The following IL3RA variants were observed in gnomAD, a reference collection of about 807,000 sequenced individuals.
IL3RA encodes interleukin-3 receptor subunit alpha.
Under a neutral mutation model 52.3 loss-of-function variants are expected in IL3RA, and 73 were observed. The ratio of observed to expected loss-of-function variants is 1.40; its 90% CI spans 1.16 to 1.70. The LOEUF (loss-of-function observed/expected upper bound fraction) is 1.70. Ranked by LOEUF, IL3RA falls within the 40% of genes most tolerant of loss-of-function variation. The pLI, the probability that IL3RA is intolerant of heterozygous loss-of-function variation, is 0.00. For synonymous variants in IL3RA, 260 were observed against 194.0 expected (o/e 1.34, Z -2.83); for missense variants, 664 against 504.4 (o/e 1.32, Z -3.03).
chrX:1,352,072 G>T, intron 4 of IL3RA, 28 bp from the exon 5 acceptor site: 2 of 1,611,842 alleles, frequency 1.2e-6, no homozygotes, highest in Non-Finnish European at 1.7e-6. Context: ...GTCCCGATTC[G>T]AGTTCTCTTT....
chrX:1,341,856 G>C, intron 2 of IL3RA, 27 bp downstream of exon 2: 1 of 1,611,440 alleles, frequency 6.2e-7, no homozygotes, highest in Non-Finnish European at 8.5e-7. Context: ...AAATGCACGT[G>C]CCACCTGGGG....
chrX:1,380,876 C>G (rs773543121), intron 10 of IL3RA, 147 bp from the exon 11 acceptor site: 1 of 719,558 alleles, frequency 1.4e-6, no homozygotes, highest in Non-Finnish European at 2.5e-6. Context: ...GTCAGGGCCT[C>G]AGGGGCCGGG....
Position 1,382,670 on chromosome X carries a change from A to ATTT in IL3RA, c.*216_*218dup, listed in dbSNP as rs35294981. On this transcript the variant is annotated 3_prime_UTR_variant, in exon 12 of 12. Coordinates refer to ENST00000331035, the MANE Select transcript of IL3RA (RefSeq NM_002183.4). ...TGTGTGTTTATTTCATGATAAAGTG[A>ATTT]TTTTTTTTTTTTTAACCCACTCACT... is the stretch of plus-strand genomic sequence containing the variant. The ATTT allele has an allele frequency of 4.1e-4, 217 of 531,666 alleles. No individual in the cohort carries two copies. The highest frequency in any genetic ancestry group is 2.8e-3 in the African/African-American group (143 of 50,518). 32.9% of individuals were successfully genotyped at this position (531,666 alleles called of 1,614,324 possible). A position where few individuals can be genotyped will look rare whatever the true frequency, so the allele number is the denominator to read the frequency against.
At chrX:1,348,335 G>A (rs1179334240) in intron 3 of IL3RA, 96 bp from the exon 4 acceptor site, 51 of 952,680 alleles carry the variant, frequency 5.4e-5, no homozygotes, top group East Asian at 2.7e-4. Flanking sequence ...CGTGGGCGAC[G>A]AGAGCGAAAC....
At chrX:1,359,943 C>G (rs2087068479) in intron 8 of IL3RA, among the ~76,000 whole-genome samples, 1 of 150,212 alleles carries the variant, frequency 6.7e-6, no homozygotes. Context: ...CTGTCCCTGT[C>G]TGTTTCTCCG....
In IL3RA at chrX:1,365,238, C is replaced by G; in HGVS notation, c.860C>G (p.Thr287Ser). Residue 287 changes from threonine (T) to serine (S), a missense_variant, in exon 9 of 12, where the codon ACC (threonine) becomes AGC (serine). Transcript: ENST00000331035. ...TATGAATTCTTGAGCGCCTGGAGCA[C>G]CCCCCAGCGCTTCGGTGAGTGGGCT... Reference protein sequence around the residue: ...RVYEFLSAWSTPQRFECDQEE... With the variant: ...RVYEFLSAWSSPQRFECDQEE... 6.2e-7 allele frequency: 1 copy of G among 1,604,014 alleles called. No individual in the cohort carries two copies. The highest frequency in any genetic ancestry group is 8.5e-7 in the Non-Finnish European group (1 of 1,173,590).
intron 8 of IL3RA, among the ~76,000 whole-genome samples, chrX:1,360,098 G>C (rs772496407): frequency 2.4e-5 from 2 of 81,858 alleles, no homozygotes; most frequent in Middle Eastern, 0.013. Flanking sequence ...TCTCTCTCCC[G>C]GTCTCTATCT....
intron 8 of IL3RA, among the ~76,000 whole-genome samples, chrX:1,361,637 C>T (rs1405248278): frequency 4.0e-5 from 6 of 151,628 alleles, no homozygotes. Context: ...CCTGTGGTCC[C>T]AGCTACTCGG....
intron 8 of IL3RA, among the ~76,000 whole-genome samples, chrX:1,362,126 CTATG>C (rs1467578201): frequency 2.1e-5 from 3 of 143,840 alleles, no homozygotes; most frequent in African/African-American, 7.7e-5. Context: ...CTTTGTCTCT[CTATG>C]TCTCTCTGTT....
chrX:1,380,923 T>G, intron 10 of IL3RA, 100 bp from the exon 11 acceptor site: 2 of 1,006,000 alleles, frequency 2.0e-6, no homozygotes, highest in Admixed American at 3.8e-5. Context: ...CTTGAGTCTT[T>G]TGCTCTGTCC....
Position 1,366,588 on chromosome X carries a change from GGGTGCGC to G in IL3RA, c.874+1346_874+1352del, listed in dbSNP as rs1224738085. Among the ~76,000 whole-genome samples the G allele has an allele frequency of 6.4e-4, 33 of 51,554 alleles. 2 individuals are homozygous for G. Among genetic ancestry groups the G allele is most frequent in the African/African-American group, 1.6e-3 (11 of 6,830 alleles). 33.8% of individuals were successfully genotyped at this position (51,554 alleles called of 152,430 possible). On this transcript the variant is annotated intron_variant, in intron 9 of 11. Coordinates refer to ENST00000331035, the MANE Select transcript of IL3RA (RefSeq NM_002183.4). ...GTGAGCCGGGTGAGCGGGGTGAGCG[GGGTGCGC>G]GGTGCGCGGGGTGAGCGGGGTGCGC... is the stretch of plus-strand genomic sequence containing the variant.
intron 9 of IL3RA, among the ~76,000 whole-genome samples, chrX:1,367,779 C>A (rs2088260238): frequency 1.5e-5 from 2 of 132,798 alleles, no homozygotes; most frequent in African/African-American, 5.7e-5. Flanking sequence ...GAGCGGGGTG[C>A]GCGGGCTGAG....
chrX:1,352,438 T>C lies in IL3RA; in HGVS notation c.548T>C (p.Leu183Pro), dbSNP rs747904578. The stretch of plus-strand genomic sequence containing the variant: ...AGCGGTTCTCAAAGTTCCCACATCC[T>C]GGTGCGGGGCAGGAGCGCAGCCTTC... Reference protein sequence around the residue: ...LSSGSQSSHILVRGRSAAFGI... With the variant: ...LSSGSQSSHIPVRGRSAAFGI... The change falls in exon 6 of 12, where the codon CTG (leucine) becomes CCG (proline). Residue 183 changes from leucine (L) to proline (P), a missense_variant. By Grantham distance (98) the Leu-to-Pro change is moderately conservative (BLOSUM62 -3). Transcript: ENST00000331035. 1.1e-5 allele frequency: 18 copies of C among 1,613,754 alleles called. No homozygotes were observed. In the Admixed American group the frequency reaches 1.2e-4, roughly 10 times the overall value.
At chrX:1,379,480 CA>C (rs2089024881) in intron 10 of IL3RA, among the ~76,000 whole-genome samples, 2 of 152,038 alleles carry the variant, frequency 1.3e-5, no homozygotes, top group African/African-American at 4.8e-5. Flanking sequence ...CACAAAAGAC[CA>C]GGGGCCAGGT....
chrX:1,341,792 C>G lies in IL3RA; in HGVS notation c.27C>G (p.Leu9=), dbSNP rs1183766690. The G allele has an allele frequency of 1.9e-6, 3 of 1,613,834 alleles. No individual in the cohort carries two copies. In the African/African-American group the frequency reaches 4.0e-5, roughly 22 times the overall value. MVLLWLTL[L]LIALPCLLQT... is the part of the protein sequence containing the mutation. ...TGGTCCTCCTTTGGCTCACGCTGCT[C>G]CTGATCGCCCTGCCCTGTCTCCTGC... The change falls in exon 2 of 12, where the codon CTC becomes CTG. Residue 9 remains leucine (L), a synonymous_variant. Transcript: ENST00000331035.
At chrX:1,343,497 T>G (rs1317086937) in intron 2 of IL3RA, among the ~76,000 whole-genome samples, 13 of 132,136 alleles carry the variant, frequency 9.8e-5, no homozygotes, top group African/African-American at 4.0e-4. Flanking sequence ...AAACCCCGTC[T>G]GTACTAAAAA....
In IL3RA at chrX:1,352,512, T is replaced by C. The variant is rs2086149768; in HGVS notation, c.616+6T>C. On this transcript the variant is annotated splice_donor_region_variant and intron_variant, in intron 6 of 11. Coordinates refer to ENST00000331035, the MANE Select transcript of IL3RA (RefSeq NM_002183.4). Reference sequence around the variant, plus strand: ...TGTCGTCTTTTCACAGATTGGTGAGTAGCCCGGGACACTCCCTCCCACCCT... The same window carrying C: ...TGTCGTCTTTTCACAGATTGGTGAGCAGCCCGGGACACTCCCTCCCACCCT... The C allele has an allele frequency of 6.2e-7, 1 of 1,612,210 alleles. No homozygotes were observed. Among genetic ancestry groups the C allele is most frequent in the Non-Finnish European group, 8.5e-7 (1 of 1,179,444 alleles).
rs201273430 is a variant in IL3RA, at chrX:1,356,304, C to T, written c.700C>T (p.Arg234Cys). 1.2e-6 allele frequency: 2 copies of T among 1,613,130 alleles called. No homozygotes were observed. The highest frequency in any genetic ancestry group is 1.1e-5 in the South Asian group (1 of 91,052). The change falls in exon 7 of 12, where the codon CGC becomes TGC. Residue 234 changes from arginine (R) to cysteine (C), a missense_variant. Transcript: ENST00000331035. ...CTGGAAAATGAGAAGTCATTTCAATCGCAAATTTCGCTATGAGCTTCAGAT... is the reference window on the plus strand; with the variant it reads ...CTGGAAAATGAGAAGTCATTTCAATTGCAAATTTCGCTATGAGCTTCAGAT... ...MHWKMRSHFN[R>C]KFRYELQIQK... is the part of the protein sequence containing the mutation.
chrX:1,344,019 C>T (rs1170757602), intron 2 of IL3RA, among the ~76,000 whole-genome samples: 1 of 151,950 alleles, frequency 6.6e-6, no homozygotes, highest in East Asian at 2.0e-4. Context: ...TGGTCTTGAT[C>T]ACTTGACCTG....
Sources: gnomAD v4.1 joint callset for allele counts (sites outside exome capture counted in the v4.1 genomes callset) on GRCh38, gnomAD v4.1.1 for gene constraint, MANE v1.5 for transcripts, NCBI Gene and HGNC (gene_info 2026-07-23, HGNC 2026-07-21) for gene names.